TEX14: variants seen among roughly 807,000 people sequenced by gnomAD.
The protein encoded by TEX14 is testis expressed 14, intercellular bridge forming factor.
Under a neutral mutation model 178.6 loss-of-function variants are expected in TEX14, and 168 were observed. The observed-to-expected ratio is 0.94, with a 90% CI of 0.83 to 1.07. TEX14 has a LOEUF of 1.07. TEX14 is among the 50% of genes least tolerant of loss of function. TEX14 has a pLI of 0.00. For synonymous variants in TEX14, 626 were observed against 634.1 expected (o/e 0.99, Z 0.19); for missense variants, 1,730 against 1,753.6 (o/e 0.99, Z 0.24).
intron 28 of TEX14, among the ~76,000 whole-genome samples, chr17:58,563,654 TATATAGAGAGAGAGAGAGAGAG>T (rs1164873492): frequency 5.0e-5 from 1 of 20,110 alleles, no homozygotes; most frequent in Non-Finnish European, 7.7e-5. Context: ...TATATATATA[TATATAGAGAGAGAGAGAGAGAG>T]AGAGAGAGAG....
In TEX14 at chr17:58,688,920, T is replaced by G. The variant is rs372159612; in HGVS notation, c.-2+3019A>C. ...ATTTGCATTTTACCCCCACATTTTGTTTTTATTTCTATACATATATTTTTT... is the reference window on the plus strand; with the variant it reads ...ATTTGCATTTTACCCCCACATTTTGGTTTTATTTCTATACATATATTTTTT... On this transcript the variant is annotated intron_variant, in intron 1 of 31. Coordinates refer to ENST00000349033, the MANE Select transcript of TEX14 (RefSeq NM_031272.5). 2.0e-3 allele frequency among the ~76,000 whole-genome samples: 297 copies of G among 152,232 alleles called. 8 individuals carry two copies. The South Asian group carries it at 0.056, about 29-fold the overall frequency.
At chr17:58,592,890 ATATG>A (rs1404472896) in intron 15 of TEX14, among the ~76,000 whole-genome samples, 1 of 152,114 alleles carries the variant, frequency 6.6e-6, no homozygotes, top group Non-Finnish European at 1.5e-5. Context: ...ATGTATGAAT[ATATG>A]TATGTATGTA....
intron 3 of TEX14, among the ~76,000 whole-genome samples, chr17:58,629,695 C>T (rs1214053676): frequency 1.3e-5 from 2 of 151,234 alleles, no homozygotes; most frequent in Non-Finnish European, 2.9e-5. Flanking sequence ...ATTAGCCCGG[C>T]GTGGTGGCAG....
intron 11 of TEX14, among the ~76,000 whole-genome samples, chr17:58,602,995 G>A (rs566455191): frequency 3.3e-5 from 5 of 152,040 alleles, no homozygotes; most frequent in Admixed American, 6.6e-5. Context: ...GAACCCGGGA[G>A]GCAGAGGTTG....
intron 1 of TEX14, among the ~76,000 whole-genome samples, chr17:58,662,636 CT>C (rs1203495430): frequency 6.6e-6 from 1 of 152,172 alleles, no homozygotes; most frequent in East Asian, 1.9e-4. Context: ...CTCAGGTGTG[CT>C]GTCCTAAGAC....
rs897431077 is a variant in TEX14 at position 58,659,276 on chromosome 17, A to T, written c.-1-7274T>A. On this transcript the variant is annotated intron_variant, in intron 1 of 31. Coordinates refer to ENST00000349033, the MANE Select transcript of TEX14 (RefSeq NM_031272.5). Reference sequence around the variant, plus strand: ...CCAAGAAAAACACTTTATCAGGACCAACAGCGTCTCTCCCCCGCCACAAAG... The same window carrying T: ...CCAAGAAAAACACTTTATCAGGACCTACAGCGTCTCTCCCCCGCCACAAAG... 39 of 905,128 alleles carry T rather than the reference A, an allele frequency of 4.3e-5. No individual in the cohort carries two copies. The African/African-American group carries it at 6.7e-4, about 15-fold the overall frequency. 56.1% of individuals were successfully genotyped at this position (905,128 alleles called of 1,614,324 possible).
intron 10 of TEX14, among the ~76,000 whole-genome samples, chr17:58,606,437 T>C (rs1256109815): frequency 6.6e-6 from 1 of 152,174 alleles, no homozygotes. Context: ...AAAGGATAGA[T>C]TTTAGACGAT....
chr17:58,638,570 C>G (rs2046493109), intron 2 of TEX14, among the ~76,000 whole-genome samples: 1 of 152,018 alleles, frequency 6.6e-6, no homozygotes, highest in Admixed American at 6.6e-5. Flanking sequence ...CGGAGTTTCA[C>G]TCTTGTTACC....
chr17:58,590,988 A>G (rs2045123078), intron 15 of TEX14, among the ~76,000 whole-genome samples: 1 of 152,016 alleles, frequency 6.6e-6, no homozygotes, highest in African/African-American at 2.4e-5. Flanking sequence ...TTTTTTAAGC[A>G]CACAAAAAGA....
At chr17:58,567,392 C>G (rs2144348471) in intron 26 of TEX14, among the ~76,000 whole-genome samples, 1 of 152,244 alleles carries the variant, frequency 6.6e-6, no homozygotes, top group African/African-American at 2.4e-5. Context: ...GCAGTCCTAC[C>G]TGGCAGCCAT....
intron 2 of TEX14, among the ~76,000 whole-genome samples, chr17:58,637,944 C>G (rs2046477333): frequency 6.6e-6 from 1 of 151,570 alleles, no homozygotes; most frequent in South Asian, 2.1e-4. Context: ...TCACTGCAAC[C>G]TCTGCCTCCC....
intron 15 of TEX14, among the ~76,000 whole-genome samples, chr17:58,590,100 A>C (rs1470464972): frequency 6.6e-6 from 1 of 151,974 alleles, no homozygotes; most frequent in Non-Finnish European, 1.5e-5. Context: ...GTCTCTACTA[A>C]AAATACAAAA....
At chr17:58,647,297 C>T (rs549334061) in intron 2 of TEX14, among the ~76,000 whole-genome samples, 128 of 151,688 alleles carry the variant, frequency 8.4e-4, no homozygotes, top group African/African-American at 2.9e-3. Flanking sequence ...TTTGGGAGGC[C>T]GAGGTGGGCA....
chr17:58,650,824 G>A (rs1234629377), intron 2 of TEX14, among the ~76,000 whole-genome samples: 2 of 152,112 alleles, frequency 1.3e-5, no homozygotes, highest in African/African-American at 4.8e-5. Context: ...GGAAAATTGG[G>A]GTTACCTTTC....
chr17:58,631,795 C>G (rs532827993), intron 2 of TEX14: 1 of 152,062 alleles, frequency 6.6e-6, no homozygotes, highest in Admixed American at 6.6e-5. Context: ...ATATACTCCT[C>G]GAGAAACACA....
chr17:58,649,637 A>T (rs2143236218), intron 2 of TEX14, among the ~76,000 whole-genome samples: 1 of 152,288 alleles, frequency 6.6e-6, no homozygotes, highest in South Asian at 2.1e-4. Flanking sequence ...TAATACTCTG[A>T]TGTTCACTAA....
At chr17:58,642,355 T>C (rs2046594364) in intron 2 of TEX14, among the ~76,000 whole-genome samples, 1 of 152,124 alleles carries the variant, frequency 6.6e-6, no homozygotes, top group African/African-American at 2.4e-5. Flanking sequence ...GTCAGTCTTA[T>C]TCAACCGCCT....
intron 3 of TEX14, among the ~76,000 whole-genome samples, chr17:58,628,646 A>G (rs1013022566): frequency 2.0e-5 from 3 of 151,916 alleles, no homozygotes; most frequent in Admixed American, 6.6e-5. Flanking sequence ...TCGGAGGCAC[A>G]GATTGCAATG....
chr17:58,671,760 T>C (rs2047307876), intron 1 of TEX14, among the ~76,000 whole-genome samples: 1 of 152,190 alleles, frequency 6.6e-6, no homozygotes, highest in Admixed American at 6.6e-5. Flanking sequence ...TGTTCTATTT[T>C]CTCACCATTT....
Sources: gnomAD v4.1 joint callset for allele counts (sites outside exome capture counted in the v4.1 genomes callset) on GRCh38, gnomAD v4.1.1 for gene constraint, MANE v1.5 for transcripts, NCBI Gene and HGNC (gene_info 2026-07-23, HGNC 2026-07-21) for gene names.